Variants in CCAR1 observed in about 807,000 individuals in gnomAD.
The protein encoded by CCAR1 is cell division cycle and apoptosis regulator 1.
CCAR1 carries 78 observed loss-of-function variants against 163.8 expected under a neutral mutation model. The ratio of observed to expected loss-of-function variants is 0.48; its 90% CI spans 0.40 to 0.57. The LOEUF (loss-of-function observed/expected upper bound fraction) is 0.57, where lower values mean the gene tolerates loss of function less well. Ranked by LOEUF, CCAR1 falls within the 20% of genes least tolerant of loss-of-function variation. The pLI is 0.00. For missense variants in CCAR1, 1,019 were observed against 1,365.2 expected, an observed-to-expected ratio of 0.75 and a Z score of 4.00; for synonymous variants, 443 against 460.7, an observed-to-expected ratio of 0.96 and a Z score of 0.49.
At chr10:68,769,268 G>A (rs1454538117) in intron 17 of CCAR1, among the ~76,000 whole-genome samples, 3 of 152,080 alleles carry the variant, frequency 2.0e-5, no homozygotes, top group South Asian at 2.1e-4. Context: ...ACCACCATGC[G>A]TGGCCCGTTT....
chr10:68,762,355 CAA>C (rs11292488), intron 16 of CCAR1, among the ~76,000 whole-genome samples: 3 of 150,428 alleles, frequency 2.0e-5, no homozygotes, highest in African/African-American at 4.9e-5. Flanking sequence ...AAAAAACAAA[CAA>C]AAAAAAAACA....
chr10:68,758,006 G>T (rs1027455645), intron 15 of CCAR1, among the ~76,000 whole-genome samples: 76 of 152,236 alleles, frequency 5.0e-4, no homozygotes, highest in African/African-American at 1.7e-3. Flanking sequence ...ATCCCAAAGT[G>T]CTGGGATTAC....
chr10:68,773,904 T>G lies in CCAR1; in HGVS notation c.2650+805T>G, dbSNP rs191962080. On this transcript the variant is annotated intron_variant, in intron 19 of 24. Coordinates refer to ENST00000265872, the MANE Select transcript of CCAR1 (RefSeq NM_018237.4). ...ATTTTTAAATTTTTTTTTTGTTGTT[T>G]TTTTTTCAGACGGAGTCTTGCTCTG... Among the ~76,000 whole-genome samples, 447 of 152,056 alleles carry G rather than the reference T, an allele frequency of 2.9e-3. 3 individuals are homozygous for G. Among genetic ancestry groups the G allele is most frequent in the African/African-American group, 9.8e-3 (407 of 41,482 alleles).
At position 68,766,017 on chromosome 10, in the gene CCAR1, A is replaced by T; in HGVS notation, c.2236A>T (p.Ile746Phe). The T allele has an allele frequency of 1.9e-6, 3 of 1,614,006 alleles. No individual in the cohort carries two copies. Among genetic ancestry groups the T allele is most frequent in the Non-Finnish European group, 1.7e-6 (2 of 1,179,868 alleles). Residue 746 changes from isoleucine (I) to phenylalanine (F), a missense_variant, in exon 17 of 25, where the codon ATC becomes TTC. By Grantham distance (21) the Ile-to-Phe change is conservative. Transcript: ENST00000265872. ...AAAAAGTGGCAAGTTTGATTGTAGC[A>T]TCATGTCTTTGAGTGTCCTATTGGA... Reference protein sequence around the residue: ...AAKSGKFDCSIMSLSVLLDYR... With the variant: ...AAKSGKFDCSFMSLSVLLDYR...
At chr10:68,754,470 A>G (rs2056374494) in intron 11 of CCAR1, among the ~76,000 whole-genome samples, 1 of 152,188 alleles carries the variant, frequency 6.6e-6, no homozygotes, top group South Asian at 2.1e-4. Flanking sequence ...GTGTGACTGA[A>G]AAAGCATCCC....
intron 5 of CCAR1, among the ~76,000 whole-genome samples, chr10:68,742,067 A>G (rs965146607): frequency 6.6e-6 from 1 of 152,224 alleles, no homozygotes; most frequent in South Asian, 2.1e-4. Context: ...AAGAAATTTC[A>G]TGAGAAAATA....
chr10:68,752,755 A>G (rs1041783173), intron 10 of CCAR1, among the ~76,000 whole-genome samples: 7 of 152,158 alleles, frequency 4.6e-5, no homozygotes, highest in Admixed American at 1.3e-4. Flanking sequence ...AGTCCTAGCT[A>G]TAATACTTAG....
rs893269401 is a variant in CCAR1 at position 68,765,592 on chromosome 10, C to T, written c.2107-296C>T. Reference sequence around the variant, plus strand: ...AACCTATGCTACCACTACTATTTTCCGAGAATTTTCTAATTTATATAATCT... The same window carrying T: ...AACCTATGCTACCACTACTATTTTCTGAGAATTTTCTAATTTATATAATCT... On this transcript the variant is annotated intron_variant, in intron 16 of 24. Coordinates refer to ENST00000265872, the MANE Select transcript of CCAR1 (RefSeq NM_018237.4). 4.6e-5 allele frequency among the ~76,000 whole-genome samples: 7 copies of T among 152,126 alleles called. No homozygotes were observed. The East Asian group carries it at 9.6e-4, about 21-fold the overall frequency.
chr10:68,736,625 A>G (rs780193794), intron 2 of CCAR1, among the ~76,000 whole-genome samples: 15 of 152,116 alleles, frequency 9.9e-5, no homozygotes, highest in Non-Finnish European at 1.9e-4. Context: ...ATGTCCTTCA[A>G]GGTTCATACG....
At chr10:68,772,449 C>T (rs573656853) in intron 18 of CCAR1, among the ~76,000 whole-genome samples, 48 of 151,532 alleles carry the variant, frequency 3.2e-4, no homozygotes, top group African/African-American at 1.1e-3. Context: ...TGCCACTGCA[C>T]TCCAGCCTGA....
At chr10:68,731,861 G>A (rs1011793210) in intron 2 of CCAR1, among the ~76,000 whole-genome samples, 4 of 152,066 alleles carry the variant, frequency 2.6e-5, no homozygotes, top group African/African-American at 9.7e-5. Context: ...AAAGTGCTGG[G>A]ATTACAGGCA....
At chr10:68,777,419 G>A (rs752191790) in intron 19 of CCAR1, among the ~76,000 whole-genome samples, 19 of 151,906 alleles carry the variant, frequency 1.3e-4, no homozygotes, top group Non-Finnish European at 2.1e-4. Flanking sequence ...GGTGGCTCAC[G>A]CCTGTAATCT....
intron 10 of CCAR1, among the ~76,000 whole-genome samples, chr10:68,753,247 A>T (rs938779936): frequency 6.6e-6 from 1 of 152,180 alleles, no homozygotes; most frequent in Admixed American, 6.5e-5. Context: ...AAAGGCAAGA[A>T]ATTTATCCCC....
chr10:68,726,495 A>G (rs1186271327), intron 2 of CCAR1, among the ~76,000 whole-genome samples: 1 of 152,118 alleles, frequency 6.6e-6, no homozygotes, highest in Non-Finnish European at 1.5e-5. Flanking sequence ...AGTGCTTACC[A>G]TAGATCCTTA....
chr10:68,747,605 T>C (rs938657858), intron 8 of CCAR1, 39 bp downstream of exon 8: 12 of 1,548,334 alleles, frequency 7.8e-6, no homozygotes, highest in Admixed American at 3.6e-5. Flanking sequence ...TATAACTTTT[T>C]AGTTGTTGAT....
At chr10:68,782,266 A>G (rs2056745705) in intron 19 of CCAR1, among the ~76,000 whole-genome samples, 1 of 152,158 alleles carries the variant, frequency 6.6e-6, no homozygotes, top group African/African-American at 2.4e-5. Context: ...CATGAGGTTT[A>G]AGGAAAGCAA....
chr10:68,764,196 T>C (rs1055025829), intron 16 of CCAR1, among the ~76,000 whole-genome samples: 2 of 152,206 alleles, frequency 1.3e-5, no homozygotes, highest in Admixed American at 1.3e-4. Context: ...GCATGGATTA[T>C]TGTCCTTGCT....
rs190904870 is a variant in CCAR1 at position 68,721,266 on chromosome 10, G to T, written c.-67G>T. On this transcript the variant is annotated 5_prime_UTR_variant, in exon 1 of 25. Coordinates refer to ENST00000265872, the MANE Select transcript of CCAR1 (RefSeq NM_018237.4). ...CGGGTTTGAAATGGCTTCGATGTTA[G>T]CCGGGACCCGACTCAGGTGAAGGTC... The T allele has an allele frequency of 4.5e-4, 80 of 178,906 alleles. 2 individuals carry two copies. In the East Asian group the frequency reaches 8.8e-3, roughly 20 times the overall value. 11.1% of individuals were successfully genotyped at this position (178,906 alleles called of 1,614,324 possible).
At position 68,791,619 on chromosome 10, in the gene CCAR1, T is replaced by C. The variant is rs1231783366; in HGVS notation, c.*353T>C. On this transcript the variant is annotated 3_prime_UTR_variant, in exon 25 of 25. Transcript: ENST00000265872. The stretch of plus-strand genomic sequence containing the variant: ...GCCTAGAAATTTTTAATTTATAGAA[T>C]TATTAGGTTTTAAAATTTTTAGTTC... 6.4e-6 allele frequency: 1 copy of C among 156,354 alleles called. No homozygotes were observed. The highest frequency in any genetic ancestry group is 2.4e-5 in the African/African-American group (1 of 41,616). 9.7% of individuals were successfully genotyped at this position (156,354 alleles called of 1,614,324 possible).
Sources: allele counts gnomAD v4.1 joint callset (sites outside exome capture counted in the v4.1 genomes callset), GRCh38; gene constraint gnomAD v4.1.1; transcripts MANE v1.5; gene names NCBI Gene and HGNC (gene_info 2026-07-23, HGNC 2026-07-21).